RELCH: variants seen among roughly 807,000 people sequenced by gnomAD.
RELCH encodes the protein RAB11-binding protein RELCH.
RELCH carries 41 observed loss-of-function variants against 150.3 expected under a neutral mutation model. The ratio of observed to expected loss-of-function variants is 0.27; its 90% CI spans 0.21 to 0.35. RELCH has a LOEUF of 0.35. RELCH is among the 10% of genes least tolerant of loss of function. The pLI is 1.00. For missense variants in RELCH, 1,092 were observed against 1,467.8 expected (o/e 0.74, Z 4.18); for synonymous variants, 478 against 531.8 (o/e 0.90, Z 1.39).
chr18:62,260,846 C>T (rs772336120), intron 15 of RELCH, among the ~76,000 whole-genome samples: 3 of 151,866 alleles, frequency 2.0e-5, no homozygotes, highest in Non-Finnish European at 1.5e-5. Flanking sequence ...TGTTCTCACT[C>T]ACATGTGGGA....
intron 2 of RELCH, among the ~76,000 whole-genome samples, chr18:62,217,866 A>G (rs990512788): frequency 4.6e-5 from 7 of 151,956 alleles, no homozygotes; most frequent in African/African-American, 1.7e-4. Flanking sequence ...AGGCTGTGGG[A>G]AAGAGGATGC....
chr18:62,189,697 TTG>T (rs2038476651), intron 1 of RELCH, among the ~76,000 whole-genome samples: 1 of 152,210 alleles, frequency 6.6e-6, no homozygotes, highest in Non-Finnish European at 1.5e-5. Flanking sequence ...TATCATAGCA[TTG>T]TTTCTAGTGA....
At chr18:62,215,209 G>A (rs2148335577) in intron 2 of RELCH, among the ~76,000 whole-genome samples, 1 of 152,284 alleles carries the variant, frequency 6.6e-6, no homozygotes, top group Non-Finnish European at 1.5e-5. Context: ...CAGAAGCTCT[G>A]AAATAAGCTT....
chr18:62,283,070 T>C lies in RELCH; in HGVS notation c.3253+626T>C, dbSNP rs141432975. Among the ~76,000 whole-genome samples the C allele has an allele frequency of 3.8e-3, 574 of 152,348 alleles. 4 individuals carry two copies. The highest frequency in any genetic ancestry group is 0.013 in the African/African-American group (554 of 41,586). ...TTAATTTCAAGTTATTTTAGAAATA[T>C]TTCTTAATAACTGCTAATTGCTAAA... is the stretch of plus-strand genomic sequence containing the variant. On this transcript the variant is annotated intron_variant, in intron 25 of 28. Transcript: ENST00000644646.
At chr18:62,192,180 G>T (rs780209555) in intron 1 of RELCH, among the ~76,000 whole-genome samples, 15 of 152,046 alleles carry the variant, frequency 9.9e-5, no homozygotes, top group Non-Finnish European at 2.1e-4. Flanking sequence ...GCTTGTTGCC[G>T]CATGAATGTC....
At chr18:62,256,047 T>G (rs2042978686) in intron 13 of RELCH, among the ~76,000 whole-genome samples, 1 of 152,136 alleles carries the variant, frequency 6.6e-6, no homozygotes, top group Admixed American at 6.6e-5. Context: ...CTTTTTAATA[T>G]TCTGTGAGAC....
intron 27 of RELCH, among the ~76,000 whole-genome samples, chr18:62,296,913 G>C (rs1260275308): frequency 4.6e-5 from 7 of 152,194 alleles, no homozygotes; most frequent in African/African-American, 9.7e-5. Context: ...GCTGGATTAA[G>C]TTTGCTAGTA....
intron 23 of RELCH, 63 bp downstream of exon 23, chr18:62,279,919 AC>A: frequency 1.0e-6 from 1 of 987,250 alleles, no homozygotes; most frequent in Non-Finnish European, 1.5e-6. Flanking sequence ...TCAAGAAATA[AC>A]CATCAGCTCT....
intron 28 of RELCH, among the ~76,000 whole-genome samples, chr18:62,304,830 T>A (rs532498809): frequency 1.3e-4 from 20 of 152,268 alleles, no homozygotes; most frequent in African/African-American, 4.8e-4. Context: ...TTGATTGAAA[T>A]CAATGCAACT....
chr18:62,231,630 G>A (rs766960004), intron 9 of RELCH, among the ~76,000 whole-genome samples: 1 of 151,828 alleles, frequency 6.6e-6, no homozygotes, highest in Non-Finnish European at 1.5e-5. Context: ...CATTTCATTA[G>A]GAGTGGTTAT....
chr18:62,257,043 A>C (rs2043023706), intron 13 of RELCH, among the ~76,000 whole-genome samples: 1 of 152,102 alleles, frequency 6.6e-6, no homozygotes, highest in Admixed American at 6.6e-5. Context: ...TCTACATACC[A>C]AATCATGCTG....
At chr18:62,202,043 G>A (rs1838976062) in intron 1 of RELCH, among the ~76,000 whole-genome samples, 1 of 152,152 alleles carries the variant, frequency 6.6e-6, no homozygotes, top group Non-Finnish European at 1.5e-5. Context: ...TCTCAGACTT[G>A]ATAAAACTTA....
intron 7 of RELCH, 150 bp from the exon 8 acceptor site, chr18:62,228,155 A>T: frequency 1.6e-6 from 1 of 630,922 alleles, no homozygotes; most frequent in Non-Finnish European, 2.7e-6. Flanking sequence ...ATCAGTGAAT[A>T]TTGCATAAAA....
At chr18:62,271,158 A>C (rs1315121275) in intron 20 of RELCH, among the ~76,000 whole-genome samples, 2 of 152,166 alleles carry the variant, frequency 1.3e-5, no homozygotes, top group Non-Finnish European at 2.9e-5. Flanking sequence ...ATCCTTGAGG[A>C]ATTGCCACAC....
intron 22 of RELCH, 84 bp from the exon 23 acceptor site, chr18:62,279,690 G>T: frequency 3.5e-6 from 3 of 868,146 alleles, no homozygotes; most frequent in Non-Finnish European, 5.4e-6. Context: ...CTTTCTCTTG[G>T]TTGTTCCTTC....
At position 62,268,956 on chromosome 18, in the gene RELCH, A is replaced by G; in HGVS notation, c.2760+8A>G. ...CTTACGTGTTATATTCAGGTAAGGG[A>G]AAAATTCTTACTCTCTAGTAAAAGG... On this transcript the variant is annotated splice_region_variant and intron_variant, in intron 20 of 28. Coordinates refer to ENST00000644646, the MANE Select transcript of RELCH (RefSeq NM_001346231.2). The G allele has an allele frequency of 1.4e-6, 2 of 1,452,192 alleles. No homozygotes were observed. Among genetic ancestry groups the G allele is most frequent in the Non-Finnish European group, 1.9e-6 (2 of 1,071,822 alleles). 90.0% of individuals were successfully genotyped at this position (1,452,192 alleles called of 1,614,324 possible). A position where few individuals can be genotyped will look rare whatever the true frequency, so the allele number is the denominator to read the frequency against.
intron 1 of RELCH, among the ~76,000 whole-genome samples, chr18:62,207,603 G>A (rs143901337): frequency 4.1e-4 from 62 of 152,280 alleles, no homozygotes; most frequent in Non-Finnish European, 7.9e-4. Context: ...ATTCCCACCA[G>A]CTAGATGTAA....
At chr18:62,252,969 C>T (rs1357888763) in intron 12 of RELCH, among the ~76,000 whole-genome samples, 1 of 152,144 alleles carries the variant, frequency 6.6e-6, no homozygotes, top group Non-Finnish European at 1.5e-5. Context: ...ACACTAATTT[C>T]AGTGCCAGGT....
intron 5 of RELCH, among the ~76,000 whole-genome samples, chr18:62,223,625 CAAAT>C (rs2041019761): frequency 6.6e-6 from 1 of 152,050 alleles, no homozygotes; most frequent in Admixed American, 6.6e-5. Flanking sequence ...ACACTGCAAA[CAAAT>C]AAAATTACAG....
Sources: allele counts gnomAD v4.1 joint callset (sites outside exome capture counted in the v4.1 genomes callset), GRCh38; gene constraint gnomAD v4.1.1; transcripts MANE v1.5; gene names NCBI Gene and HGNC (gene_info 2026-07-23, HGNC 2026-07-21).